TMEM43: variants seen among roughly 807,000 people sequenced by gnomAD.
TMEM43 encodes arrhythmogenic right ventricular dysplasia 5.
TMEM43 carries 45 observed loss-of-function variants against 49.6 expected under a neutral mutation model. That is an observed-to-expected ratio of 0.91 (90% CI 0.71 to 1.16). TMEM43 has a LOEUF of 1.16. TMEM43 is among the 50% of genes most tolerant of loss of function. TMEM43 has a pLI of 0.00. For missense variants in TMEM43, 532 were observed against 516.6 expected (o/e 1.03, Z -0.29); for synonymous variants, 199 against 207.8 (o/e 0.96, Z 0.36).
intron 1 of TMEM43, 48 bp from the exon 2 acceptor site, chr3:14,129,364 T>C: frequency 2.0e-6 from 3 of 1,492,232 alleles, no homozygotes; most frequent in Non-Finnish European, 2.7e-6. Flanking sequence ...AAATTTAATT[T>C]ATTTTTAAAA....
intron 3 of TMEM43, among the ~76,000 whole-genome samples, chr3:14,131,226 C>G (rs762899083): frequency 1.3e-5 from 2 of 152,244 alleles, no homozygotes; most frequent in African/African-American, 4.8e-5. Flanking sequence ...GGCTGGCACT[C>G]AGGGAGGTGC....
chr3:14,138,015 T>C (rs1201760557), intron 10 of TMEM43: 5 of 152,218 alleles, frequency 3.3e-5, no homozygotes, highest in African/African-American at 1.2e-4. Flanking sequence ...TAAATAATAC[T>C]TGTAAAACAC....
At chr3:14,128,143 T>C (rs1248266550) in intron 1 of TMEM43, among the ~76,000 whole-genome samples, 1 of 152,212 alleles carries the variant, frequency 6.6e-6, no homozygotes, top group African/African-American at 2.4e-5. Flanking sequence ...CAAGACCCCG[T>C]AGCTGGTATG....
intron 1 of TMEM43, among the ~76,000 whole-genome samples, chr3:14,126,897 A>G (rs979648382): frequency 1.3e-5 from 2 of 152,236 alleles, no homozygotes; most frequent in Non-Finnish European, 2.9e-5. Flanking sequence ...CCTGTGGTGA[A>G]GGTACTATTC....
Position 14,141,781 on chromosome 3 carries a change from A to C in TMEM43, c.1189A>C (p.Lys397Gln). The C allele has an allele frequency of 6.2e-7, 1 of 1,613,426 alleles. No homozygotes were observed. The highest frequency in any genetic ancestry group is 8.5e-7 in the Non-Finnish European group (1 of 1,179,938). ...TGTTGCTCGGACACGGGTGCCAGCC[A>C]AAAAGTTGGAGTGAAAAGACCCTGG... is the stretch of plus-strand genomic sequence containing the variant. ...ILVARTRVPA[K>Q]KLE is the part of the protein sequence containing the mutation. The change falls in exon 12 of 12, where the codon AAA (lysine) becomes CAA (glutamine). Residue 397 changes from lysine to glutamine, a missense_variant. Physicochemically the swap from Lys to Gln is moderately conservative, Grantham distance 53. Coordinates refer to ENST00000306077, the MANE Select transcript of TMEM43 (RefSeq NM_024334.3).
intron 1 of TMEM43, among the ~76,000 whole-genome samples, chr3:14,125,560 G>T (rs1695007862): frequency 6.6e-6 from 1 of 152,196 alleles, no homozygotes; most frequent in South Asian, 2.1e-4. Context: ...TGCGCATTAT[G>T]AGAGCTGGAC....
Position 14,129,458 on chromosome 3 carries a change from G to C in TMEM43, c.59G>C (p.Ser20Thr), listed in dbSNP as rs1261978753. 11 of 1,613,852 alleles carry C rather than the reference G, an allele frequency of 6.8e-6. No individual in the cohort carries two copies. The highest frequency in any genetic ancestry group is 8.5e-6 in the Non-Finnish European group (10 of 1,180,008). ...AGAGAACATGTCAAAGTTAAAACCAGCTCCCAGCCAGGCTTCCTGGAACGG... is the reference window on the plus strand; with the variant it reads ...AGAGAACATGTCAAAGTTAAAACCACCTCCCAGCCAGGCTTCCTGGAACGG... ...TRREHVKVKT[S>T]SQPGFLERLS... The change falls in exon 2 of 12, where the codon AGC (serine) becomes ACC (threonine). Residue 20 changes from serine (S) to threonine (T), a missense_variant. Physicochemically the swap from Ser to Thr is moderately conservative, Grantham distance 58 (BLOSUM62 1). Coordinates refer to ENST00000306077, the MANE Select transcript of TMEM43 (RefSeq NM_024334.3).
chr3:14,132,132 T>G, intron 4 of TMEM43, among the ~76,000 whole-genome samples: 1 of 150,602 alleles, frequency 6.6e-6, no homozygotes, highest in Non-Finnish European at 1.5e-5. Context: ...GAGCTGGGGG[T>G]GGGTTCAGCC....
At chr3:14,138,690 G>A (rs934061880) in intron 10 of TMEM43, among the ~76,000 whole-genome samples, 4 of 152,216 alleles carry the variant, frequency 2.6e-5, no homozygotes, top group Non-Finnish European at 4.4e-5. Flanking sequence ...TGGGATGTCC[G>A]GGGAGAGAGT....
intron 11 of TMEM43, among the ~76,000 whole-genome samples, chr3:14,140,477 C>G (rs1695232550): frequency 6.6e-6 from 1 of 152,190 alleles, no homozygotes; most frequent in Non-Finnish European, 1.5e-5. Flanking sequence ...GGGAAGCACA[C>G]AGTTCCCCAT....
At chr3:14,131,075 C>G in intron 3 of TMEM43, 119 bp downstream of exon 3, 1 of 1,285,998 alleles carries the variant, frequency 7.8e-7, no homozygotes, top group Non-Finnish European at 1.1e-6. Flanking sequence ...TGATTCCCGA[C>G]TTTACCACTC....
intron 11 of TMEM43, 49 bp downstream of exon 11, chr3:14,139,346 C>T: frequency 7.7e-7 from 1 of 1,294,728 alleles, no homozygotes; most frequent in African/African-American, 1.5e-5. Context: ...CCTGAAAGGG[C>T]CTCCTCTGCC....
chr3:14,127,276 C>T (rs544854804), intron 1 of TMEM43, among the ~76,000 whole-genome samples: 14 of 152,264 alleles, frequency 9.2e-5, no homozygotes, highest in African/African-American at 3.1e-4. Flanking sequence ...TTTGTCATGT[C>T]ACTGCCCACC....
chr3:14,133,715 C>CT (rs1559361405), intron 6 of TMEM43, 24 bp from the exon 7 acceptor site: 1 of 1,613,310 alleles, frequency 6.2e-7, no homozygotes, highest in African/African-American at 1.3e-5. Context: ...GTGCCCATCT[C>CT]TGACAGCTTC....
Position 14,130,945 on chromosome 3 carries a change from C to G in TMEM43, c.286C>G (p.Arg96Gly), listed in dbSNP as rs754797146. The change falls in exon 3 of 12, where the codon CGG (arginine) becomes GGG (glycine). Residue 96 changes from arginine to glycine, a missense_variant. Physicochemically the swap from Arg to Gly is moderately radical, Grantham distance 125 (BLOSUM62 -2). Coordinates refer to ENST00000306077, the MANE Select transcript of TMEM43 (RefSeq NM_024334.3). ...GRLVHIIGAL[R>G]TSKLLSDPNY... ...GCTGGTGCACATCATTGGCGCCTTA[C>G]GGACATCCAAGGTAGGTTTGGCAGG... is the stretch of plus-strand genomic sequence containing the variant. 6.9e-5 allele frequency: 111 copies of G among 1,610,824 alleles called. No homozygotes were observed. In the Admixed American group the frequency reaches 1.8e-3, roughly 25 times the overall value.
chr3:14,135,100 C>T, intron 8 of TMEM43, 58 bp from the exon 9 acceptor site: 1 of 1,550,132 alleles, frequency 6.5e-7, no homozygotes, highest in Non-Finnish European at 8.9e-7. Flanking sequence ...GCATCCTGGA[C>T]CTGGGCCTGG....
At position 14,142,915 on chromosome 3, in the gene TMEM43, C is replaced by A. The variant is rs180722159; in HGVS notation, c.*1120C>A. The A allele has an allele frequency of 1.3e-5, 2 of 152,212 alleles. No individual in the cohort carries two copies. Among genetic ancestry groups the A allele is most frequent in the Admixed American group, 1.3e-4 (2 of 15,276 alleles). The allele number at this position is 152,212 out of a possible 1,614,324, so 9.4% of individuals were successfully genotyped here. On this transcript the variant is annotated 3_prime_UTR_variant, in exon 12 of 12. Transcript: ENST00000306077. ...AATGGGCTCCTTCATGGTGACGCCCCGTCAACCACAATCAAGAACTGAGGC... is the reference window on the plus strand; with the variant it reads ...AATGGGCTCCTTCATGGTGACGCCCAGTCAACCACAATCAAGAACTGAGGC...
intron 3 of TMEM43, 142 bp downstream of exon 3, chr3:14,131,098 G>GT: frequency 1.9e-6 from 2 of 1,060,446 alleles, no homozygotes; most frequent in Non-Finnish European, 2.7e-6. Flanking sequence ...CAGCTGTGTG[G>GT]ACTTGTCTAT....
chr3:14,141,153 C>T (rs1225363406), intron 11 of TMEM43, among the ~76,000 whole-genome samples: 1 of 152,194 alleles, frequency 6.6e-6, no homozygotes, highest in Non-Finnish European at 1.5e-5. Flanking sequence ...TTAGTAACAG[C>T]CTGCTGCATG....
Sources: gnomAD v4.1 joint callset for allele counts (sites outside exome capture counted in the v4.1 genomes callset) on GRCh38, gnomAD v4.1.1 for gene constraint, MANE v1.5 for transcripts, NCBI Gene and HGNC (gene_info 2026-07-23, HGNC 2026-07-21) for gene names.